The following LRP8 variants were observed in gnomAD, a reference collection of about 807,000 sequenced individuals.
LRP8 encodes the protein LDL receptor related protein 8, also known as low-density lipoprotein receptor-related protein 8.
A neutral mutation model predicts 111.6 loss-of-function variants in LRP8; 46 were observed. That is an observed-to-expected ratio of 0.41 (90% CI 0.33 to 0.53). The LOEUF (loss-of-function observed/expected upper bound fraction) is 0.53. Ranked by LOEUF, LRP8 falls within the 20% of genes least tolerant of loss-of-function variation. LRP8 has a pLI of 0.20. For missense variants in LRP8, 959 were observed against 1,297.4 expected, an observed-to-expected ratio of 0.74 and a Z score of 4.01; for synonymous variants, 464 against 511.2, an observed-to-expected ratio of 0.91 and a Z score of 1.24.
At chr1:53,308,402 G>A (rs1484940135) in intron 2 of LRP8, among the ~76,000 whole-genome samples, 1 of 152,204 alleles carries the variant, frequency 6.6e-6, no homozygotes, top group African/African-American at 2.4e-5. Flanking sequence ...GATCCTGGGG[G>A]GTTCAGGCTA....
Position 53,289,593 on chromosome 1 carries a change from C to G in LRP8, c.341G>C (p.Gly114Ala). ...GCAAGTGGCCTCGGACTCATCGGAG[C>G]CATCAGGACACTCCTCCTCGCCGTC... ...KCDGEEECPD[G>A]SDESEATCTK... is the part of the protein sequence containing the mutation. The change falls in exon 3 of 19, where the codon GGC (glycine) becomes GCC (alanine). Residue 114 changes from glycine (G) to alanine (A), a missense_variant. Gly to Ala is a moderately conservative substitution (Grantham distance 60). Coordinates refer to ENST00000306052, the MANE Select transcript of LRP8 (RefSeq NM_004631.5). The G allele has an allele frequency of 6.2e-7, 1 of 1,608,920 alleles. No individual in the cohort carries two copies. The highest frequency in any genetic ancestry group is 8.5e-7 in the Non-Finnish European group (1 of 1,177,658).
chr1:53,309,750 G>T (rs191163983), intron 2 of LRP8, among the ~76,000 whole-genome samples: 79 of 152,256 alleles, frequency 5.2e-4, no homozygotes, highest in African/African-American at 1.7e-3. Context: ...GGTGAAAGCT[G>T]TGCCCCTGCT....
At chr1:53,280,189 C>T (rs919731339) in intron 4 of LRP8, among the ~76,000 whole-genome samples, 3 of 152,204 alleles carry the variant, frequency 2.0e-5, no homozygotes, top group Non-Finnish European at 4.4e-5. Context: ...GCAGCACCCT[C>T]CCTGGTCCCC....
intron 2 of LRP8, among the ~76,000 whole-genome samples, chr1:53,297,109 G>A (rs11206139): frequency 0.51 from 77,233 of 151,852 alleles, 20,265 homozygotes; most frequent in East Asian, 0.9. Flanking sequence ...TGTTCCTAAA[G>A]CCCTCAGTTT....
chr1:53,301,282 C>T (rs1342303087), intron 2 of LRP8, among the ~76,000 whole-genome samples: 7 of 152,136 alleles, frequency 4.6e-5, no homozygotes, highest in African/African-American at 1.2e-4. Context: ...GCAGACTGGC[C>T]CTGGGTCCTT....
chr1:53,327,291 A>G, intron 1 of LRP8: 1 of 420,042 alleles, frequency 2.4e-6, no homozygotes, highest in South Asian at 2.9e-5. Context: ...AGATCTGCTC[A>G]GATACAGCCC....
At position 53,250,290 on chromosome 1, in the gene LRP8, G is replaced by A. The variant is rs1310177789; in HGVS notation, c.2676+400C>T. 6.6e-6 allele frequency among the ~76,000 whole-genome samples: 1 copy of A among 152,160 alleles called. No homozygotes were observed. The highest frequency in any genetic ancestry group is 2.4e-5 in the African/African-American group (1 of 41,420). ...CCACAGTTACCCTTCCAGGCTAAAGGTTCTGAAAATTTACTGAGCAGAAAG... is the reference window on the plus strand; with the variant it reads ...CCACAGTTACCCTTCCAGGCTAAAGATTCTGAAAATTTACTGAGCAGAAAG... On this transcript the variant is annotated intron_variant, in intron 17 of 18. Transcript: ENST00000306052. The surrounding 1 kb of genome is among the most constrained non-coding windows in gnomAD (Gnocchi z 4.6).
chr1:53,303,630 C>A lies in LRP8; in HGVS notation c.245-13941G>T, dbSNP rs1003334436. Among the ~76,000 whole-genome samples the A allele has an allele frequency of 1.4e-4, 22 of 152,180 alleles. No individual in the cohort carries two copies. Among genetic ancestry groups the A allele is most frequent in the Non-Finnish European group, 4.4e-5 (3 of 68,034 alleles). On this transcript the variant is annotated intron_variant, in intron 2 of 18. Coordinates refer to ENST00000306052, the MANE Select transcript of LRP8 (RefSeq NM_004631.5). The surrounding 1 kb of genome is among the most constrained non-coding windows in gnomAD (Gnocchi z 4.3). ...GGCTCATTCCGTTGAACGTTAGGAC[C>A]AAGGAGCCACAGAATCTTTCCAGTT...
chr1:53,274,759 C>G (rs1572508657), intron 6 of LRP8: 1 of 456,328 alleles, frequency 2.2e-6, no homozygotes, highest in South Asian at 1.5e-5. Context: ...CACACACTTT[C>G]CCGCCGTCCA....
chr1:53,282,418 G>A (rs753597496), intron 3 of LRP8, among the ~76,000 whole-genome samples: 7 of 152,148 alleles, frequency 4.6e-5, no homozygotes, highest in East Asian at 1.9e-4. Flanking sequence ...ACCCTCAAAG[G>A]CCTTTTATAT....
chr1:53,327,895 C>G lies in LRP8; in HGVS notation c.18G>C (p.Pro6=). The stretch of plus-strand genomic sequence containing the variant: ...GCAGCGCCAGAAGCCGGAGAGGGCC[C>G]GGCTCGGGGAGGCCCATGGCGGGCC... MGLPE[P]GPLRLLALLL... Residue 6 remains proline, a synonymous_variant, in exon 1 of 19, where the codon CCG becomes CCC. Transcript: ENST00000306052. The G allele has an allele frequency of 6.8e-7, 1 of 1,466,748 alleles. No homozygotes were observed. Among genetic ancestry groups the G allele is most frequent in the Non-Finnish European group, 9.0e-7 (1 of 1,111,122 alleles). The allele number at this position is 1,466,748 out of a possible 1,614,324, so 90.9% of individuals were successfully genotyped here. A position where few individuals can be genotyped will look rare whatever the true frequency, so the allele number is the denominator to read the frequency against.
intron 2 of LRP8, among the ~76,000 whole-genome samples, chr1:53,318,494 G>A (rs999490614): frequency 6.6e-6 from 1 of 152,134 alleles, no homozygotes; most frequent in Admixed American, 6.5e-5. Context: ...GAACGGCAAT[G>A]ATGAAAATGC....
At chr1:53,284,245 A>ACTTACTACATACCCGGGCCG (rs1557801642) in intron 3 of LRP8, among the ~76,000 whole-genome samples, 5 of 148,502 alleles carry the variant, frequency 3.4e-5, no homozygotes, top group Middle Eastern at 3.5e-3. Flanking sequence ...TACCCGGGCC[A>ACTTACTACATACCCGGGCCG]CTTACTTACT....
rs1655410797 is a variant in LRP8 at position 53,328,000 on chromosome 1, C to G, written c.-88G>C. ...GCCCTCCGAGTCCTTGCCGCGGCGC[C>G]GGGGTTGCCGCTGCCCCCGCCGCCG... On this transcript the variant is annotated 5_prime_UTR_variant, in exon 1 of 19. Coordinates refer to ENST00000306052, the MANE Select transcript of LRP8 (RefSeq NM_004631.5). 1 of 858,068 alleles carries G rather than the reference C, an allele frequency of 1.2e-6. No individual in the cohort carries two copies. Among genetic ancestry groups the G allele is most frequent in the Admixed American group, 6.4e-5 (1 of 15,636 alleles). 53.2% of individuals were successfully genotyped at this position (858,068 alleles called of 1,614,324 possible).
In LRP8 at chr1:53,242,810, A is replaced by G. The variant is rs1288741921; in HGVS notation, c.*4208T>C. The G allele has an allele frequency of 6.6e-6, 1 of 150,714 alleles. No homozygotes were observed. The highest frequency in any genetic ancestry group is 2.4e-5 in the African/African-American group (1 of 41,062). 9.3% of individuals were successfully genotyped at this position (150,714 alleles called of 1,614,324 possible). ...ATTTGTTTTCTCTTGTAGTTTTTGT[A>G]AAAAAGTATCAAAACCTTGGCTTTA... On this transcript the variant is annotated 3_prime_UTR_variant, in exon 19 of 19. Transcript: ENST00000306052.
intron 13 of LRP8, among the ~76,000 whole-genome samples, chr1:53,259,366 C>T (rs1158546252): frequency 1.3e-5 from 2 of 152,182 alleles, no homozygotes; most frequent in African/African-American, 2.4e-5. Context: ...CCTGCGTTGG[C>T]CTCCCAAAGT....
intron 14 of LRP8, 142 bp from the exon 15 acceptor site, chr1:53,257,606 G>A: frequency 1.6e-6 from 1 of 641,324 alleles, no homozygotes; most frequent in Non-Finnish European, 2.8e-6. Context: ...CTCCCCAGTG[G>A]GCTATGATCT....
chr1:53,301,300 A>G (rs867884), intron 2 of LRP8, among the ~76,000 whole-genome samples: 66,127 of 152,000 alleles, frequency 0.44, 14,872 homozygotes, highest in East Asian at 0.68. Context: ...CTTAGCGGGT[A>G]TGGAGTTGAG....
intron 15 of LRP8, among the ~76,000 whole-genome samples, chr1:53,256,919 C>A (rs1038230172): frequency 5.9e-5 from 9 of 152,238 alleles, no homozygotes; most frequent in African/African-American, 1.9e-4. Flanking sequence ...TGCGTGAGCA[C>A]CTCCAGTTAT....
Sources: gnomAD v4.1 joint callset for allele counts (sites outside exome capture counted in the v4.1 genomes callset) on GRCh38, gnomAD v4.1.1 for gene constraint, Gnocchi (gnomAD v3.1) non-coding constraint, MANE v1.5 for transcripts, NCBI Gene and HGNC (gene_info 2026-07-23, HGNC 2026-07-21) for gene names.